Variants in KNDC1 observed in about 807,000 individuals in gnomAD.
The protein encoded by KNDC1 is kinase non-catalytic C-lobe domain containing 1, also known as kinase non-catalytic C-lobe domain-containing protein 1.
In KNDC1, 106 loss-of-function variants were observed where a neutral mutation model predicts 172.8. That is an observed-to-expected ratio of 0.61 (90% confidence interval 0.52 to 0.72). KNDC1 has a LOEUF of 0.72. Ranked by LOEUF, KNDC1 falls within the 30% of genes least tolerant of loss-of-function variation. KNDC1 has a pLI of 0.00. For synonymous variants in KNDC1, 1,083 were observed against 1,062.2 expected (o/e 1.02, Z -0.38); for missense variants, 2,325 against 2,394.5 (o/e 0.97, Z 0.61).
chr10:133,199,636 C>G (rs568180061), intron 15 of KNDC1, 34 bp downstream of exon 15: 1 of 1,606,910 alleles, frequency 6.2e-7, no homozygotes, highest in South Asian at 1.1e-5. Flanking sequence ...ATTCCCGCCC[C>G]TCCCTGATGC....
intron 3 of KNDC1, 119 bp downstream of exon 3, chr10:133,168,431 G>A (rs1409333926): frequency 7.5e-6 from 8 of 1,064,832 alleles, no homozygotes; most frequent in Admixed American, 1.9e-5. Context: ...CTGGCCGGGA[G>A]CGGAGCCGCT....
At chr10:133,182,959 T>C (rs554713415) in intron 3 of KNDC1, among the ~76,000 whole-genome samples, 18 of 135,774 alleles carry the variant, frequency 1.3e-4, no homozygotes, top group South Asian at 9.6e-4. Context: ...GCACAGGCGG[T>C]GTGGGCACAG....
In KNDC1 at chr10:133,186,179, G is replaced by C. The variant is rs768605494; in HGVS notation, c.831G>C (p.Gly277=). 6.3e-7 allele frequency: 1 copy of C among 1,576,276 alleles called. No homozygotes were observed. Among genetic ancestry groups the C allele is most frequent in the Non-Finnish European group, 8.6e-7 (1 of 1,161,030 alleles). ...ATGGCGAGAGCCACAGCCGGGAGGG[G>C]CTGGCCGGCCTCGTCCTGGATGCCG... ...VRNGESHSRE[G]LAGLVLDAER... The change falls in exon 6 of 30, where the codon GGG becomes GGC. Residue 277 remains glycine, a synonymous_variant. Transcript: ENST00000304613.
chr10:133,213,831 C>T (rs1237885140), intron 25 of KNDC1, 104 bp downstream of exon 25: 1 of 1,444,008 alleles, frequency 6.9e-7, no homozygotes, highest in South Asian at 1.1e-5. Context: ...GCCTGTGTCT[C>T]CAGAGACGCG....
At chr10:133,189,070 G>A (rs1393397989) in intron 7 of KNDC1, among the ~76,000 whole-genome samples, 1 of 152,186 alleles carries the variant, frequency 6.6e-6, no homozygotes, top group African/African-American at 2.4e-5. Flanking sequence ...TTGGAGTGGG[G>A]AGGGAATCTT....
chr10:133,181,663 A>G (rs1036851310), intron 3 of KNDC1, among the ~76,000 whole-genome samples: 1 of 152,160 alleles, frequency 6.6e-6, no homozygotes, highest in Non-Finnish European at 1.5e-5. Flanking sequence ...AGAGAAGGTC[A>G]GCCGGGGTTC....
Position 133,193,860 on chromosome 10 carries a change from C to T in KNDC1, c.1576-1803C>T, listed in dbSNP as rs116778713. Among the ~76,000 whole-genome samples, 936 of 152,250 alleles carry T rather than the reference C, an allele frequency of 6.1e-3. 7 individuals carry two copies. The highest frequency in any genetic ancestry group is 0.021 in the African/African-American group (889 of 41,546). On this transcript the variant is annotated intron_variant, in intron 9 of 29. Coordinates refer to ENST00000304613, the MANE Select transcript of KNDC1 (RefSeq NM_152643.8). ...ATTCTATAACAATAAAGGGTCAGTC[C>T]GCCCAGAAGACATAGCAATCCTAAA...
intron 9 of KNDC1, among the ~76,000 whole-genome samples, chr10:133,193,420 G>GA (rs1854110995): frequency 6.6e-6 from 1 of 152,176 alleles, no homozygotes; most frequent in Non-Finnish European, 1.5e-5. Flanking sequence ...AGCTACTTGG[G>GA]AGGCTGAGGC....
At chr10:133,221,835 C>T (rs188027006) in intron 29 of KNDC1, among the ~76,000 whole-genome samples, 18 of 113,756 alleles carry the variant, frequency 1.6e-4, no homozygotes, top group Admixed American at 3.7e-4. Context: ...CTAGGTAGGC[C>T]GGGCTGGGTG....
chr10:133,171,641 C>CT (rs1308382193), intron 3 of KNDC1, among the ~76,000 whole-genome samples: 3 of 152,032 alleles, frequency 2.0e-5, no homozygotes, highest in African/African-American at 4.8e-5. Context: ...ATGCAATGCA[C>CT]TTTTTTTTCT....
chr10:133,225,094 G>A lies in KNDC1; in HGVS notation c.*204G>A, dbSNP rs909823364. The A allele has an allele frequency of 1.7e-5, 10 of 586,340 alleles. No homozygotes were observed. The highest frequency in any genetic ancestry group is 3.1e-5 in the Non-Finnish European group (10 of 325,558). The allele number at this position is 586,340 out of a possible 1,614,324, so 36.3% of individuals were successfully genotyped here. A position where few individuals can be genotyped will look rare whatever the true frequency, so the allele number is the denominator to read the frequency against. The stretch of plus-strand genomic sequence containing the variant: ...TCCTCCCAGCAGACGGAGCCAGGAC[G>A]GGCACAAGAGTCTTGGAGGTTTGCG... On this transcript the variant is annotated 3_prime_UTR_variant, in exon 30 of 30. Transcript: ENST00000304613.
chr10:133,187,764 G>A (rs962079048), intron 6 of KNDC1, among the ~76,000 whole-genome samples: 1 of 152,192 alleles, frequency 6.6e-6, no homozygotes, highest in Non-Finnish European at 1.5e-5. Context: ...GTGTATGTGA[G>A]AAAATGCACC....
chr10:133,209,157 G>A lies in KNDC1; in HGVS notation c.3795-1454G>A, dbSNP rs769143036. 2.6e-4 allele frequency among the ~76,000 whole-genome samples: 40 copies of A among 151,150 alleles called. No individual in the cohort carries two copies. The highest frequency in any genetic ancestry group is 9.2e-4 in the Admixed American group (14 of 15,160). On this transcript the variant is annotated intron_variant, in intron 20 of 29. Coordinates refer to ENST00000304613, the MANE Select transcript of KNDC1 (RefSeq NM_152643.8). This position sits in a 1 kb window ranked among gnomAD's most constrained non-coding sequence, Gnocchi z 4.9. ...TGTGTGGTGTGTGGTTGGGTATTGC[G>A]TGGCAGGTGTGCATGTGTGTATGGC...
intron 29 of KNDC1, among the ~76,000 whole-genome samples, chr10:133,222,497 G>GCA (rs746346689): frequency 0.012 from 1,026 of 88,198 alleles, 22 homozygotes; most frequent in Non-Finnish European, 0.017. Flanking sequence ...CCCGGTGTGT[G>GCA]TGTGTGTGTG....
intron 3 of KNDC1, chr10:133,179,079 T>G (rs1169166000): frequency 6.6e-6 from 1 of 152,238 alleles, no homozygotes; most frequent in East Asian, 1.9e-4. Flanking sequence ...CTTATGAATT[T>G]AAGATTCGCA....
chr10:133,223,411 A>G (rs75891176), intron 29 of KNDC1, among the ~76,000 whole-genome samples: 75 of 6,936 alleles, frequency 0.011, 3 homozygotes, highest in Non-Finnish European at 0.016. Context: ...TCTTCCCGGC[A>G]TGTGTGTGTG....
rs780118720 is a variant in KNDC1, at chr10:133,200,417, C to T, written c.2946C>T (p.Ser982=). The change falls in exon 16 of 30, where the codon AGC becomes AGT. Residue 982 remains serine (S), a synonymous_variant. Transcript: ENST00000304613. ...GGTCACAGCTCGAGGGCAGCCAAAG[C>T]CCCCGCTCCCCGTCCAGCAAGAGGC... The part of the protein sequence containing the change: ...EAGSQLEGSQ[S]PRSPSSKRPS... 4 of 1,597,720 alleles carry T rather than the reference C, an allele frequency of 2.5e-6. No individual in the cohort carries two copies. Among genetic ancestry groups the T allele is most frequent in the Non-Finnish European group, 3.4e-6 (4 of 1,173,186 alleles).
chr10:133,214,262 G>A (rs925980235), intron 26 of KNDC1, 140 bp downstream of exon 26: 8 of 922,456 alleles, frequency 8.7e-6, no homozygotes, highest in Admixed American at 5.2e-5. Context: ...AACCACACCC[G>A]ACCCAAGGCT....
intron 3 of KNDC1, among the ~76,000 whole-genome samples, chr10:133,169,754 C>T (rs1853314324): frequency 6.6e-6 from 1 of 152,158 alleles, no homozygotes; most frequent in African/African-American, 2.4e-5. Flanking sequence ...GGCCTGGTGG[C>T]TGTGACGTGG....
Sources: allele counts gnomAD v4.1 joint callset (sites outside exome capture counted in the v4.1 genomes callset), GRCh38; gene constraint gnomAD v4.1.1; non-coding constraint Gnocchi (gnomAD v3.1); transcripts MANE v1.5; gene names NCBI Gene and HGNC (gene_info 2026-07-23, HGNC 2026-07-21).